YLPM1: variants seen among roughly 807,000 people sequenced by gnomAD.
YLPM1 encodes the protein YLP motif-containing protein 1.
Under a neutral mutation model 230.0 loss-of-function variants are expected in YLPM1, and 99 were observed. That is an observed-to-expected ratio of 0.43 (90% CI 0.37 to 0.51). YLPM1 has a LOEUF of 0.51. Among genes scored for constraint, YLPM1 ranks in the 20% least tolerant of loss-of-function variants. The pLI, the probability that YLPM1 is intolerant of heterozygous loss-of-function variation, is 0.00. For missense variants in YLPM1, 2,592 were observed against 2,707.7 expected (o/e 0.96, Z 0.95); for synonymous variants, 984 against 942.5 (o/e 1.04, Z -0.81).
intron 11 of YLPM1, among the ~76,000 whole-genome samples, chr14:74,813,816 G>A (rs1341917332): frequency 6.6e-6 from 1 of 152,128 alleles, no homozygotes. Flanking sequence ...TATTCGTCTT[G>A]TATCCTGCAA....
At chr14:74,788,375 C>T (rs892543700) in intron 4 of YLPM1, among the ~76,000 whole-genome samples, 1 of 152,194 alleles carries the variant, frequency 6.6e-6, no homozygotes, top group Admixed American at 6.5e-5. Flanking sequence ...CCGCCTCGGC[C>T]TCTCAAAGTG....
At chr14:74,770,593 C>G (rs979358447) in intron 1 of YLPM1, among the ~76,000 whole-genome samples, 1 of 151,930 alleles carries the variant, frequency 6.6e-6, no homozygotes, top group South Asian at 2.1e-4. Context: ...CCACTGCTCT[C>G]TAGCCTGGGC....
At chr14:74,775,788 T>A (rs1285787716) in intron 1 of YLPM1, among the ~76,000 whole-genome samples, 3 of 152,200 alleles carry the variant, frequency 2.0e-5, no homozygotes, top group South Asian at 2.1e-4. Context: ...GAAAAAATAT[T>A]TTAGGGATTT....
chr14:74,775,552 T>C (rs2091027288), intron 1 of YLPM1, among the ~76,000 whole-genome samples: 1 of 152,182 alleles, frequency 6.6e-6, no homozygotes, highest in Non-Finnish European at 1.5e-5. Flanking sequence ...AAAAGTTTAT[T>C]GTAAAACATA....
At position 74,829,980 on chromosome 14, in the gene YLPM1, G is replaced by A. The variant is rs116841652; in HGVS notation, c.6294+637G>A. On this transcript the variant is annotated intron_variant, in intron 19 of 20. Transcript: ENST00000325680. ...AAATGGTATTTAAAACCGTGGGACT[G>A]AATGATCTTGCCCAAGGAAAAAGTA... 3.6e-3 allele frequency among the ~76,000 whole-genome samples: 548 copies of A among 152,310 alleles called. 2 individuals carry two copies. Among genetic ancestry groups the A allele is most frequent in the Non-Finnish European group, 6.1e-3 (415 of 68,030 alleles).
chr14:74,812,100 A>G (rs1189904736), intron 10 of YLPM1, among the ~76,000 whole-genome samples: 1 of 152,222 alleles, frequency 6.6e-6, no homozygotes, highest in East Asian at 1.9e-4. Flanking sequence ...CACATTTTTC[A>G]TATGTAAACC....
intron 4 of YLPM1, 74 bp downstream of exon 4, chr14:74,782,399 T>C (rs1026288121): frequency 1.2e-5 from 17 of 1,450,012 alleles, no homozygotes; most frequent in Non-Finnish European, 1.5e-5. Flanking sequence ...TTCTCGATGG[T>C]ATAAAAAGCT....
intron 12 of YLPM1, 141 bp from the exon 13 acceptor site, chr14:74,816,430 A>T: frequency 8.0e-7 from 1 of 1,256,938 alleles, no homozygotes; most frequent in Non-Finnish European, 1.1e-6. Context: ...ATTTTTATCT[A>T]CTCAGAGAAA....
chr14:74,764,094 C>A lies in YLPM1; in HGVS notation c.605C>A (p.Ala202Glu). ...TCCCCACCTTCCCAATCCTACCTGG[C>A]GCCCACCCCTTCTTACTCATCCTCC... is the stretch of plus-strand genomic sequence containing the variant. ...SQSPPSQSYL[A>E]PTPSYSSSSS... The change falls in exon 1 of 21, where the codon GCG (alanine) becomes GAG (glutamate). Residue 202 changes from alanine to glutamate, a missense_variant. Transcript: ENST00000325680. 6.2e-7 allele frequency: 1 copy of A among 1,613,394 alleles called. No homozygotes were observed. The highest frequency in any genetic ancestry group is 1.1e-5 in the South Asian group (1 of 91,034).
At chr14:74,808,169 C>T (rs2091397318) in intron 6 of YLPM1, among the ~76,000 whole-genome samples, 1 of 152,214 alleles carries the variant, frequency 6.6e-6, no homozygotes, top group Non-Finnish European at 1.5e-5. Context: ...ATTCCTACCC[C>T]AGTCCCAGCA....
intron 4 of YLPM1, among the ~76,000 whole-genome samples, chr14:74,783,686 C>G (rs191978906): frequency 2.6e-5 from 4 of 152,232 alleles, no homozygotes; most frequent in Admixed American, 2.6e-4. Context: ...CAAAATATAT[C>G]TTTTATTCCC....
At chr14:74,791,163 G>T (rs1429845151) in intron 4 of YLPM1, among the ~76,000 whole-genome samples, 1 of 152,126 alleles carries the variant, frequency 6.6e-6, no homozygotes, top group Non-Finnish European at 1.5e-5. Context: ...AGCTACTCGG[G>T]GGACTGAGGT....
At chr14:74,816,146 A>G (rs2091476163) in intron 11 of YLPM1, 57 bp from the exon 12 acceptor site, 1 of 1,511,330 alleles carries the variant, frequency 6.6e-7, no homozygotes, top group Non-Finnish European at 9.0e-7. Flanking sequence ...CTGTTATCTC[A>G]TTGCAGAAAA....
intron 1 of YLPM1, among the ~76,000 whole-genome samples, chr14:74,765,368 A>T (rs2090902005): frequency 6.6e-6 from 1 of 152,240 alleles, no homozygotes; most frequent in Admixed American, 6.5e-5. Context: ...AAAGATAGGG[A>T]TGCAGTATTA....
At chr14:74,821,214 G>GT in intron 17 of YLPM1, 77 bp downstream of exon 17, 1 of 1,456,694 alleles carries the variant, frequency 6.9e-7, no homozygotes, top group Non-Finnish European at 9.1e-7. Context: ...CAGATCTGTG[G>GT]TTAGACAACT....
At chr14:74,788,647 C>T (rs1396019406) in intron 4 of YLPM1, among the ~76,000 whole-genome samples, 1 of 152,076 alleles carries the variant, frequency 6.6e-6, no homozygotes, top group African/African-American at 2.4e-5. Context: ...AATTTGAGAC[C>T]AGCTTGGGCA....
At chr14:74,831,428 A>C (rs984361008) in intron 19 of YLPM1, among the ~76,000 whole-genome samples, 2 of 152,244 alleles carry the variant, frequency 1.3e-5, no homozygotes, top group African/African-American at 4.8e-5. Context: ...GCTGGAGCCA[A>C]CAGAGGCAGA....
intron 18 of YLPM1, among the ~76,000 whole-genome samples, chr14:74,826,131 G>A (rs555286878): frequency 3.3e-5 from 5 of 152,224 alleles, no homozygotes; most frequent in South Asian, 4.1e-4. Flanking sequence ...TTACAGTCGG[G>A]TTTTTATTTT....
Position 74,812,672 on chromosome 14 carries a change from C to G in YLPM1, c.5392C>G (p.Pro1798Ala). ...TGAGGAGCGAATGCCTCTGCCAGCT[C>G]CTTCACTGAGCCACCAGCCTCCTCC... ...YPEERMPLPA[P>A]SLSHQPPPAP... The change falls in exon 11 of 21, where the codon CCT becomes GCT. Residue 1798 changes from proline (P) to alanine (A), a missense_variant. Pro to Ala is a conservative substitution (Grantham distance 27). This residue lies in a region of YLPM1 where 403 missense variants were observed against 426.7 expected (regional missense o/e 0.94). Transcript: ENST00000325680. 6.2e-7 allele frequency: 1 copy of G among 1,613,602 alleles called. No homozygotes were observed. The highest frequency in any genetic ancestry group is 8.5e-7 in the Non-Finnish European group (1 of 1,179,732).
Sources: allele counts gnomAD v4.1 joint callset (sites outside exome capture counted in the v4.1 genomes callset), GRCh38; gene constraint gnomAD v4.1.1; regional missense constraint gnomAD v4.1.1; transcripts MANE v1.5; gene names NCBI Gene and HGNC (gene_info 2026-07-23, HGNC 2026-07-21).